The following GRIN2A variants were observed in gnomAD, a reference collection of about 807,000 sequenced individuals.
GRIN2A encodes the protein glutamate receptor ionotropic, NMDA 2A.
A neutral mutation model predicts 113.4 loss-of-function variants in GRIN2A; 22 were observed. The ratio of observed to expected loss-of-function variants is 0.19; its 90% CI spans 0.14 to 0.28. The LOEUF (loss-of-function observed/expected upper bound fraction) is 0.28. Ranked by LOEUF, GRIN2A falls within the 10% of genes least tolerant of loss-of-function variation. The probability of loss-of-function intolerance (pLI) is 1.00; values close to 1 mark genes in which losing one functional copy is unlikely to be tolerated. For missense variants in GRIN2A, 1,502 were observed against 1,887.0 expected (o/e 0.80, Z 3.78); for synonymous variants, 827 against 738.4 (o/e 1.12, Z -1.94).
chr16:9,874,973 A>G (rs1037689836), intron 4 of GRIN2A, among the ~76,000 whole-genome samples: 4 of 151,380 alleles, frequency 2.6e-5, no homozygotes, highest in African/African-American at 9.7e-5. Flanking sequence ...CTGTAGTCCC[A>G]GCTACTTGAG....
intron 2 of GRIN2A, among the ~76,000 whole-genome samples, chr16:9,995,587 A>G (rs2046207293): frequency 1.3e-5 from 2 of 152,070 alleles, no homozygotes; most frequent in Non-Finnish European, 2.9e-5. Context: ...AAACCAGTCT[A>G]TTCACTCCCA....
At chr16:9,906,426 C>G (rs1412215546) in intron 3 of GRIN2A, among the ~76,000 whole-genome samples, 1 of 152,180 alleles carries the variant, frequency 6.6e-6, no homozygotes, top group Non-Finnish European at 1.5e-5. Context: ...TTTCTGGTTA[C>G]TTTCATTTCC....
intron 3 of GRIN2A, among the ~76,000 whole-genome samples, chr16:9,898,059 T>TTA (rs1226759702): frequency 7.3e-6 from 1 of 137,614 alleles, no homozygotes; most frequent in Non-Finnish European, 1.6e-5. Flanking sequence ...ATTTCCTTTT[T>TTA]TTTTTTTTTT....
rs527632803 is a variant in GRIN2A at position 9,954,307 on chromosome 16, G to C, written c.415-15756C>G. 5.9e-5 allele frequency among the ~76,000 whole-genome samples: 9 copies of C among 152,248 alleles called. No individual in the cohort carries two copies. The South Asian group carries it at 1.2e-3, about 21-fold the overall frequency. On this transcript the variant is annotated intron_variant, in intron 2 of 12. Transcript: ENST00000330684. ...AAATCTAAGTGTGTCTTGTTCCCCA[G>C]AGAACAAAAAGGAAGTGAAAATTAG... is the stretch of plus-strand genomic sequence containing the variant.
At chr16:9,879,422 T>A (rs1338205438) in intron 4 of GRIN2A, among the ~76,000 whole-genome samples, 1 of 152,190 alleles carries the variant, frequency 6.6e-6, no homozygotes, top group Non-Finnish European at 1.5e-5. Flanking sequence ...AAAATTTTTT[T>A]AATCTATCTA....
intron 11 of GRIN2A, among the ~76,000 whole-genome samples, chr16:9,783,095 G>T (rs1347516674): frequency 6.6e-6 from 1 of 152,198 alleles, no homozygotes; most frequent in Non-Finnish European, 1.5e-5. Flanking sequence ...GGTTATTAAT[G>T]ATCACCCCCT....
chr16:9,898,067 TTTTTTTTTG>T (rs2043842203), intron 3 of GRIN2A, among the ~76,000 whole-genome samples: 1 of 141,298 alleles, frequency 7.1e-6, no homozygotes. Context: ...TTTTTTTTTT[TTTTTTTTTG>T]CAAAAATGGA....
intron 10 of GRIN2A, among the ~76,000 whole-genome samples, chr16:9,807,642 C>T (rs1347945804): frequency 2.6e-5 from 4 of 152,210 alleles, no homozygotes; most frequent in East Asian, 3.9e-4. Context: ...AATCCAGTCT[C>T]TTCATTTTTC....
At chr16:10,067,722 C>G (rs1319006792) in intron 2 of GRIN2A, among the ~76,000 whole-genome samples, 3 of 152,090 alleles carry the variant, frequency 2.0e-5, no homozygotes. Flanking sequence ...TGGTTCTATA[C>G]TGGGGACACA....
At chr16:10,156,099 C>G (rs986562902) in intron 2 of GRIN2A, among the ~76,000 whole-genome samples, 1 of 152,218 alleles carries the variant, frequency 6.6e-6, no homozygotes, top group Non-Finnish European at 1.5e-5. Flanking sequence ...TGTCAGGCTT[C>G]CTGCCCATCT....
chr16:10,162,088 G>C (rs1048567640), intron 2 of GRIN2A, among the ~76,000 whole-genome samples: 10 of 152,168 alleles, frequency 6.6e-5, no homozygotes, highest in African/African-American at 2.4e-4. Context: ...GTGGGGACAT[G>C]ATTCTGCCTA....
chr16:9,803,131 A>G (rs922846355), intron 10 of GRIN2A, among the ~76,000 whole-genome samples: 2 of 152,108 alleles, frequency 1.3e-5, no homozygotes, highest in Admixed American at 6.5e-5. Context: ...CTTGCCGGGC[A>G]CAGTGGCTAG....
In GRIN2A at chr16:9,786,394, G is replaced by A. The variant is rs188740922; in HGVS notation, c.2356+11883C>T. On this transcript the variant is annotated intron_variant, in intron 11 of 12. Coordinates refer to ENST00000330684, the MANE Select transcript of GRIN2A (RefSeq NM_001134407.3). ...ATTAGGCTGGGCCTGCTCCCACGGTGCTGGGGCCTGAGGCATGGACGAGTC... is the reference window on the plus strand; with the variant it reads ...ATTAGGCTGGGCCTGCTCCCACGGTACTGGGGCCTGAGGCATGGACGAGTC... 1.8e-3 allele frequency among the ~76,000 whole-genome samples: 278 copies of A among 152,272 alleles called. 1 individual carries two copies. The highest frequency in any genetic ancestry group is 6.1e-3 in the African/African-American group (252 of 41,560).
intron 3 of GRIN2A, 140 bp from the exon 4 acceptor site, chr16:9,891,240 G>A (rs1458218616): frequency 4.4e-6 from 3 of 687,084 alleles, no homozygotes; most frequent in Non-Finnish European, 8.0e-6. Context: ...CCTCTCTGCA[G>A]AAGTATTAAT....
At chr16:9,791,685 C>T (rs530215840) in intron 11 of GRIN2A, among the ~76,000 whole-genome samples, 1 of 152,048 alleles carries the variant, frequency 6.6e-6, no homozygotes, top group African/African-American at 2.4e-5. Flanking sequence ...TATGAGAATT[C>T]TAATTAGATA....
intron 2 of GRIN2A, among the ~76,000 whole-genome samples, chr16:10,051,854 G>C (rs993606811): frequency 2.0e-5 from 3 of 152,202 alleles, no homozygotes; most frequent in African/African-American, 7.2e-5. Flanking sequence ...AGCCAGCTCA[G>C]ACATTTAAGC....
chr16:10,159,638 G>T (rs968829232), intron 2 of GRIN2A, among the ~76,000 whole-genome samples: 2 of 152,140 alleles, frequency 1.3e-5, no homozygotes, highest in Non-Finnish European at 2.9e-5. Flanking sequence ...CCATTTTACA[G>T]ATGAGGAAAG....
In GRIN2A at chr16:9,764,754, G is replaced by C. The variant is rs1048008799; in HGVS notation, c.2790C>G (p.Leu930=). 1 of 1,614,212 alleles carries C rather than the reference G, an allele frequency of 6.2e-7. No individual in the cohort carries two copies. Among genetic ancestry groups the C allele is most frequent in the Admixed American group, 1.7e-5 (1 of 60,034 alleles). ...CCTTATCTGAAACCATGTCCATGATGAGGGAACCTCTTTGGATGAAGTCAG... is the reference window on the plus strand; with the variant it reads ...CCTTATCTGAAACCATGTCCATGATCAGGGAACCTCTTTGGATGAAGTCAG... ...RAADFIQRGS[L]IMDMVSDKGN... is the part of the protein sequence containing the mutation. Residue 930 remains leucine (L), a synonymous_variant, in exon 13 of 13, where the codon CTC becomes CTG. Coordinates refer to ENST00000330684, the MANE Select transcript of GRIN2A (RefSeq NM_001134407.3).
intron 2 of GRIN2A, among the ~76,000 whole-genome samples, chr16:10,041,335 G>A (rs1596455075): frequency 6.6e-6 from 1 of 152,276 alleles, no homozygotes; most frequent in East Asian, 1.9e-4. Flanking sequence ...ATTGGGTGGG[G>A]TGTGGGCTTG....
Sources: gnomAD v4.1 joint callset for allele counts (sites outside exome capture counted in the v4.1 genomes callset) on GRCh38, gnomAD v4.1.1 for gene constraint, MANE v1.5 for transcripts, NCBI Gene and HGNC (gene_info 2026-07-23, HGNC 2026-07-21) for gene names.